ADAM10: variants seen among roughly 807,000 people sequenced by gnomAD.
ADAM10 encodes the protein ADAM metallopeptidase domain 10, also known as disintegrin and metalloproteinase domain-containing protein 10.
In ADAM10, 17 loss-of-function variants were observed where a neutral mutation model predicts 90.1. The observed-to-expected ratio is 0.19, with a 90% CI of 0.13 to 0.28. The LOEUF is 0.28. Ranked by LOEUF, ADAM10 falls within the 10% of genes least tolerant of loss-of-function variation. The pLI is 1.00. For synonymous variants in ADAM10, 310 were observed against 298.6 expected, an observed-to-expected ratio of 1.04 and a Z score of -0.40; for missense variants, 610 against 914.3, an observed-to-expected ratio of 0.67 and a Z score of 4.29.
intron 1 of ADAM10, among the ~76,000 whole-genome samples, chr15:58,723,198 C>T (rs1472222510): frequency 1.3e-5 from 2 of 152,068 alleles, no homozygotes; most frequent in African/African-American, 2.4e-5. Flanking sequence ...GCCCCTAGCC[C>T]TCAGATGCCA....
At position 58,640,934 on chromosome 15, in the gene ADAM10, G is replaced by A. The variant is rs757999634; in HGVS notation, c.855C>T (p.Asp285=). The change falls in exon 8 of 16, where the codon GAC becomes GAT. Residue 285 remains aspartate (D), a synonymous_variant. Coordinates refer to ENST00000260408, the MANE Select transcript of ADAM10 (RefSeq NM_001110.4). ...IRINTTADEK[D]PTNPFRFPNI... is the part of the protein sequence containing the mutation. ...TTGGGAAACGGAAAGGATTTGTAGG[G>A]TCCTTCTCATCAGCAGTTGTATTGA... 1 of 1,614,012 alleles carries A rather than the reference G, an allele frequency of 6.2e-7. No homozygotes were observed. Among genetic ancestry groups the A allele is most frequent in the South Asian group, 1.1e-5 (1 of 91,080 alleles).
chr15:58,731,228 A>C (rs1899225659), intron 1 of ADAM10, among the ~76,000 whole-genome samples: 3 of 152,122 alleles, frequency 2.0e-5, no homozygotes, highest in Admixed American at 1.3e-4. Context: ...AAAAGACAAA[A>C]CCTGAATTTG....
chr15:58,726,982 A>C (rs1332058127), intron 1 of ADAM10, among the ~76,000 whole-genome samples: 2 of 151,562 alleles, frequency 1.3e-5, no homozygotes, highest in African/African-American at 4.9e-5. Context: ...ATCTAACATA[A>C]CAATTAAAAG....
chr15:58,685,498 A>AAAAG (rs35322808), intron 2 of ADAM10, among the ~76,000 whole-genome samples: 1 of 144,630 alleles, frequency 6.9e-6, no homozygotes, highest in East Asian at 2.0e-4. Context: ...AGATACAAAA[A>AAAAG]AGAATATAGT....
chr15:58,611,748 A>G, intron 12 of ADAM10, 60 bp downstream of exon 12: 1 of 1,515,506 alleles, frequency 6.6e-7, no homozygotes. Context: ...AGCATCAATA[A>G]TTCTTCTGAA....
chr15:58,740,268 G>C (rs1041170938), intron 1 of ADAM10, among the ~76,000 whole-genome samples: 1 of 151,894 alleles, frequency 6.6e-6, no homozygotes. Context: ...AAATGAGAAG[G>C]GCCTGGTGGC....
intron 2 of ADAM10, chr15:58,691,284 T>G: frequency 8.0e-7 from 1 of 1,248,932 alleles, no homozygotes; most frequent in Non-Finnish European, 1.2e-6. Context: ...CAGACCCTCC[T>G]TGGTAACTGA....
chr15:58,658,190 A>G (rs567181492), intron 5 of ADAM10, among the ~76,000 whole-genome samples: 1 of 152,168 alleles, frequency 6.6e-6, no homozygotes, highest in Non-Finnish European at 1.5e-5. Context: ...TAATTTTTGT[A>G]TAAGGTGTGA....
chr15:58,704,535 G>C (rs1898224979), intron 2 of ADAM10, among the ~76,000 whole-genome samples: 9 of 152,078 alleles, frequency 5.9e-5, no homozygotes, highest in Admixed American at 5.9e-4. Context: ...TGGTTAAAAT[G>C]GTAGCTTTTC....
At chr15:58,617,420 T>C (rs1436577186) in intron 11 of ADAM10, among the ~76,000 whole-genome samples, 1 of 152,072 alleles carries the variant, frequency 6.6e-6, no homozygotes, top group African/African-American at 2.4e-5. Flanking sequence ...GTAACAAGAT[T>C]GAATCAGTAA....
intron 4 of ADAM10, among the ~76,000 whole-genome samples, chr15:58,678,563 A>G (rs1897347341): frequency 6.6e-6 from 1 of 152,296 alleles, no homozygotes; most frequent in African/African-American, 2.4e-5. Flanking sequence ...ATTAAAAGGT[A>G]AAGTCTAAAT....
At chr15:58,651,574 C>T (rs1461339560) in intron 5 of ADAM10, among the ~76,000 whole-genome samples, 4 of 152,136 alleles carry the variant, frequency 2.6e-5, no homozygotes, top group South Asian at 2.1e-4. Flanking sequence ...TCCATGTTGT[C>T]GCAAATTACA....
chr15:58,666,947 G>A (rs1473218470), intron 4 of ADAM10, among the ~76,000 whole-genome samples: 1 of 152,076 alleles, frequency 6.6e-6, no homozygotes, highest in Non-Finnish European at 1.5e-5. Context: ...ATTTCTAAAA[G>A]ATGCTGTTTT....
At chr15:58,644,023 T>C in intron 6 of ADAM10, 45 bp from the exon 7 acceptor site, 2 of 1,380,924 alleles carry the variant, frequency 1.4e-6, no homozygotes, top group Non-Finnish European at 2.1e-6. Flanking sequence ...TGTTGAAATA[T>C]GAAAAAGATT....
chr15:58,658,422 C>G (rs540425452), intron 5 of ADAM10, among the ~76,000 whole-genome samples: 1 of 152,184 alleles, frequency 6.6e-6, no homozygotes, highest in South Asian at 2.1e-4. Context: ...TCTTAAAAAC[C>G]AAATACTATT....
intron 14 of ADAM10, among the ~76,000 whole-genome samples, chr15:58,601,741 T>C (rs908492931): frequency 5.9e-5 from 9 of 152,246 alleles, no homozygotes; most frequent in Non-Finnish European, 1.2e-4. Flanking sequence ...ATGTTTCTTT[T>C]CTCTCCTTTG....
Position 58,610,800 on chromosome 15 carries a change from T to C in ADAM10, c.1804+199A>G, listed in dbSNP as rs2140997949. The C allele has an allele frequency of 7.8e-6, 5 of 637,216 alleles. No individual in the cohort carries two copies. The South Asian group carries it at 9.6e-5, about 12-fold the overall frequency. 39.5% of individuals were successfully genotyped at this position (637,216 alleles called of 1,614,324 possible). On this transcript the variant is annotated intron_variant, in intron 13 of 15. Coordinates refer to ENST00000260408, the MANE Select transcript of ADAM10 (RefSeq NM_001110.4). ...GCTGTAAAGCTGGCAACGTTTTGTC[T>C]AGTTTATCATTTTTAAAACATTGTA...
intron 2 of ADAM10, among the ~76,000 whole-genome samples, chr15:58,684,139 T>C (rs1045489118): frequency 3.9e-5 from 6 of 152,214 alleles, no homozygotes; most frequent in African/African-American, 1.4e-4. Flanking sequence ...TAGGGAATAA[T>C]GACAAGGAAG....
intron 11 of ADAM10, 144 bp downstream of exon 11, chr15:58,621,327 A>G (rs371363860): frequency 2.3e-5 from 21 of 929,090 alleles, no homozygotes; most frequent in African/African-American, 2.1e-4. Flanking sequence ...AGTAACCAAC[A>G]CTACTTCAGA....
Sources: allele counts gnomAD v4.1 joint callset (sites outside exome capture counted in the v4.1 genomes callset), GRCh38; gene constraint gnomAD v4.1.1; transcripts MANE v1.5; gene names NCBI Gene and HGNC (gene_info 2026-07-23, HGNC 2026-07-21).